Variants in TTC28 observed in about 807,000 individuals in gnomAD.
TTC28 encodes tetratricopeptide repeat domain 28.
In TTC28, 61 loss-of-function variants were observed where a neutral mutation model predicts 198.0. The observed-to-expected ratio is 0.31, with a 90% CI of 0.25 to 0.38. TTC28 has a LOEUF of 0.38. Among genes scored for constraint, TTC28 ranks in the 10% least tolerant of loss-of-function variants. The probability of loss-of-function intolerance (pLI) is 1.00; values close to 1 mark genes in which losing one functional copy is unlikely to be tolerated. For synonymous variants in TTC28, 1,171 were observed against 1,297.8 expected (o/e 0.90, Z 2.10); for missense variants, 2,678 against 3,164.0 (o/e 0.85, Z 3.69).
At chr22:28,542,495 A>G (rs111339981) in intron 2 of TTC28, among the ~76,000 whole-genome samples, 2,626 of 152,294 alleles carry the variant, frequency 0.017, 44 homozygotes, top group South Asian at 0.047. Flanking sequence ...TTGTTACCTA[A>G]CAATGTGAAT....
intron 2 of TTC28, among the ~76,000 whole-genome samples, chr22:28,429,903 A>C (rs762598656): frequency 6.6e-6 from 1 of 151,708 alleles, no homozygotes; most frequent in Non-Finnish European, 1.5e-5. Context: ...TGAGTTAAAG[A>C]CTCTTTTCAC....
At chr22:28,032,175 T>TGTATATATATATAAA (rs1939118972) in intron 12 of TTC28, among the ~76,000 whole-genome samples, 1 of 79,092 alleles carries the variant, frequency 1.3e-5, no homozygotes, top group Non-Finnish European at 2.3e-5. Flanking sequence ...TGTGTATATA[T>TGTATATATATATAAA]ATATATATAT....
At chr22:28,238,811 T>C (rs1219200251) in intron 5 of TTC28, among the ~76,000 whole-genome samples, 1 of 152,176 alleles carries the variant, frequency 6.6e-6, no homozygotes, top group African/African-American at 2.4e-5. Flanking sequence ...TATAGCACAG[T>C]ATTCACCCAA....
At chr22:28,072,835 C>T (rs1033194894) in intron 12 of TTC28, among the ~76,000 whole-genome samples, 1 of 152,192 alleles carries the variant, frequency 6.6e-6, no homozygotes, top group Non-Finnish European at 1.5e-5. Context: ...TAGAGTGGGA[C>T]ACACAATGGG....
intron 2 of TTC28, among the ~76,000 whole-genome samples, chr22:28,602,993 C>T (rs1047092291): frequency 6.6e-6 from 1 of 152,204 alleles, no homozygotes; most frequent in African/African-American, 2.4e-5. Flanking sequence ...GATTCTCCTG[C>T]CTCAGCCTCC....
chr22:28,090,509 T>G (rs1040917720), intron 12 of TTC28, among the ~76,000 whole-genome samples: 1 of 152,170 alleles, frequency 6.6e-6, no homozygotes, highest in African/African-American at 2.4e-5. Context: ...CTATAATATA[T>G]AAACCTAGGA....
At chr22:28,399,317 GT>G (rs695621) in intron 2 of TTC28, among the ~76,000 whole-genome samples, 17,065 of 121,546 alleles carry the variant, frequency 0.14, 1,605 homozygotes, top group Non-Finnish European at 0.2. Flanking sequence ...GACTAAAACT[GT>G]TTTTTTTTTT....
chr22:28,589,967 G>A (rs1200677032), intron 2 of TTC28, among the ~76,000 whole-genome samples: 1 of 144,892 alleles, frequency 6.9e-6, no homozygotes, highest in Non-Finnish European at 1.5e-5. Context: ...AACCCGGGAG[G>A]CAGAGGTTAC....
At chr22:28,062,713 A>C (rs971044900) in intron 12 of TTC28, among the ~76,000 whole-genome samples, 5 of 151,974 alleles carry the variant, frequency 3.3e-5, no homozygotes, top group Non-Finnish European at 1.5e-5. Context: ...CTATCCAGTG[A>C]ATTTTTAATT....
intron 1 of TTC28, among the ~76,000 whole-genome samples, chr22:28,649,847 TTA>T (rs2051537762): frequency 1.3e-5 from 2 of 152,158 alleles, no homozygotes; most frequent in South Asian, 2.1e-4. Flanking sequence ...CATGAATAAT[TTA>T]TGTTATATGC....
At chr22:28,347,286 CAAAAAAA>C (rs1453273118) in intron 2 of TTC28, among the ~76,000 whole-genome samples, 3 of 144,020 alleles carry the variant, frequency 2.1e-5, no homozygotes, top group African/African-American at 7.6e-5. Context: ...AAAAAAAAAA[CAAAAAAA>C]GAAAAAAGAA....
intron 2 of TTC28, among the ~76,000 whole-genome samples, chr22:28,384,506 T>G (rs906415570): frequency 6.6e-6 from 1 of 152,218 alleles, no homozygotes; most frequent in Non-Finnish European, 1.5e-5. Context: ...ATAAGCTCCA[T>G]GAAAGCAGAA....
At chr22:28,003,191 C>G (rs1198730351) in intron 14 of TTC28, among the ~76,000 whole-genome samples, 1 of 152,062 alleles carries the variant, frequency 6.6e-6, no homozygotes, top group African/African-American at 2.4e-5. Context: ...CACCTGAGCT[C>G]CCTGGCCGGC....
Position 28,115,946 on chromosome 22 carries a change from G to A in TTC28, c.1442-7543C>T, listed in dbSNP as rs1392743024. ...TCCTATAAGCTACACTCCATTGGAC[G>A]CTATCTACCTTTTAAACCAACTTTG... On this transcript the variant is annotated intron_variant, in intron 6 of 22. Coordinates refer to ENST00000397906, the MANE Select transcript of TTC28 (RefSeq NM_001145418.2). 5.9e-5 allele frequency among the ~76,000 whole-genome samples: 9 copies of A among 152,162 alleles called. No individual in the cohort carries two copies. The South Asian group carries it at 1.0e-3, about 18-fold the overall frequency.
chr22:28,558,108 T>C (rs754654714), intron 2 of TTC28, among the ~76,000 whole-genome samples: 1 of 152,212 alleles, frequency 6.6e-6, no homozygotes, highest in Non-Finnish European at 1.5e-5. Flanking sequence ...CATTCGTCAG[T>C]GGTTTGTTGT....
chr22:28,102,260 A>G (rs1243376935), intron 8 of TTC28, among the ~76,000 whole-genome samples: 4 of 152,228 alleles, frequency 2.6e-5, no homozygotes, highest in African/African-American at 9.6e-5. Context: ...GATGTTACTG[A>G]CACATTTCAT....
intron 5 of TTC28, among the ~76,000 whole-genome samples, chr22:28,164,368 G>A (rs1302468334): frequency 6.6e-6 from 1 of 152,224 alleles, no homozygotes; most frequent in African/African-American, 2.4e-5. Context: ...TCTGAACCCC[G>A]AGTAGCCTAA....
At chr22:28,256,317 A>G (rs1371843107) in intron 5 of TTC28, among the ~76,000 whole-genome samples, 5 of 150,638 alleles carry the variant, frequency 3.3e-5, no homozygotes, top group African/African-American at 1.2e-4. Context: ...GATACTCAGG[A>G]GGCTGAGACA....
chr22:28,373,278 T>C (rs2046363904), intron 2 of TTC28, among the ~76,000 whole-genome samples: 1 of 151,954 alleles, frequency 6.6e-6, no homozygotes, highest in Admixed American at 6.6e-5. Flanking sequence ...GCCTGGAGTT[T>C]GGCTTTCATT....
Sources: allele counts gnomAD v4.1 joint callset (sites outside exome capture counted in the v4.1 genomes callset), GRCh38; gene constraint gnomAD v4.1.1; transcripts MANE v1.5; gene names NCBI Gene and HGNC (gene_info 2026-07-23, HGNC 2026-07-21).